CDC42BPA: variants seen among roughly 807,000 people sequenced by gnomAD.
The protein encoded by CDC42BPA is serine/threonine-protein kinase MRCK alpha.
A neutral mutation model predicts 223.5 loss-of-function variants in CDC42BPA; 80 were observed. The ratio of observed to expected loss-of-function variants is 0.36; its 90% CI spans 0.30 to 0.43. The LOEUF (loss-of-function observed/expected upper bound fraction) is 0.43. CDC42BPA is among the 20% of genes least tolerant of loss of function. The pLI, the probability that CDC42BPA is intolerant of heterozygous loss-of-function variation, is 1.00. For synonymous variants in CDC42BPA, 694 were observed against 718.6 expected, an observed-to-expected ratio of 0.97 and a Z score of 0.55; for missense variants, 1,743 against 2,099.9, an observed-to-expected ratio of 0.83 and a Z score of 3.32.
At chr1:227,011,205 A>T (rs755285896) in intron 34 of CDC42BPA, 30 of 242,130 alleles carry the variant, frequency 1.2e-4, no homozygotes, top group Non-Finnish European at 2.0e-4. Flanking sequence ...TAGGTCTTAG[A>T]AAGTTAAATT....
At chr1:227,219,843 T>A (rs1022262616) in intron 2 of CDC42BPA, among the ~76,000 whole-genome samples, 10 of 152,152 alleles carry the variant, frequency 6.6e-5, no homozygotes, top group Non-Finnish European at 1.5e-4. Context: ...AAGCTCATAA[T>A]CCAGCCAATA....
chr1:227,207,075 T>TC (rs1374244860), intron 3 of CDC42BPA, among the ~76,000 whole-genome samples: 1 of 84,954 alleles, frequency 1.2e-5, no homozygotes. Context: ...ATGCTATCCC[T>TC]CCCCCCTCCC....
chr1:227,067,100 T>C (rs1677244706), intron 21 of CDC42BPA, among the ~76,000 whole-genome samples: 2 of 152,126 alleles, frequency 1.3e-5, no homozygotes, highest in Non-Finnish European at 2.9e-5. Context: ...TGCAATAAAA[T>C]TTACTTTTAT....
chr1:227,126,408 G>A lies in CDC42BPA; in HGVS notation c.1513+2701C>T, dbSNP rs145411911. Reference sequence around the variant, plus strand: ...GTACTCTTTTGTTCAGGCCTCTGGTGGCTGCTGGTGACAGGAGCCACCAGC... The same window carrying A: ...GTACTCTTTTGTTCAGGCCTCTGGTAGCTGCTGGTGACAGGAGCCACCAGC... On this transcript the variant is annotated intron_variant, in intron 11 of 36. Transcript: ENST00000366766. Among the ~76,000 whole-genome samples the A allele has an allele frequency of 9.8e-4, 148 of 151,708 alleles. 1 individual carries two copies. Among genetic ancestry groups the A allele is most frequent in the African/African-American group, 3.5e-3 (145 of 41,366 alleles).
intron 5 of CDC42BPA, among the ~76,000 whole-genome samples, chr1:227,168,873 A>AT (rs1408782002): frequency 2.6e-5 from 4 of 152,042 alleles, no homozygotes; most frequent in East Asian, 3.9e-4. Context: ...TTCTTCAGGT[A>AT]TTTTTTCTGG....
intron 15 of CDC42BPA, among the ~76,000 whole-genome samples, chr1:227,092,560 A>T (rs1683277958): frequency 6.6e-6 from 1 of 152,242 alleles, no homozygotes; most frequent in Non-Finnish European, 1.5e-5. Context: ...CCACCACAAT[A>T]TTCTTACAAA....
At chr1:227,143,629 A>C (rs1248107511) in intron 8 of CDC42BPA, among the ~76,000 whole-genome samples, 7 of 152,212 alleles carry the variant, frequency 4.6e-5, no homozygotes, top group African/African-American at 1.7e-4. Context: ...GGAGAAAATA[A>C]TGTGCTAGAA....
intron 5 of CDC42BPA, among the ~76,000 whole-genome samples, chr1:227,188,030 G>A (rs1669112856): frequency 2.0e-5 from 3 of 151,998 alleles, no homozygotes; most frequent in African/African-American, 7.2e-5. Flanking sequence ...TCAAAAAGAA[G>A]AAAAATGATA....
intron 19 of CDC42BPA, among the ~76,000 whole-genome samples, chr1:227,073,172 G>A (rs137872481): frequency 6.6e-6 from 1 of 152,138 alleles, no homozygotes; most frequent in East Asian, 1.9e-4. Context: ...ATGGATTTTC[G>A]TATTTGTAGT....
chr1:227,031,338 A>T lies in CDC42BPA; in HGVS notation c.3735T>A (p.Thr1245=). The T allele has an allele frequency of 6.2e-7, 1 of 1,614,072 alleles. No homozygotes were observed. Among genetic ancestry groups the T allele is most frequent in the South Asian group, 1.1e-5 (1 of 91,076 alleles). The change falls in exon 28 of 37, where the codon ACT becomes ACA. Residue 1245 remains threonine, a synonymous_variant. Coordinates refer to ENST00000366766, the MANE Select transcript of CDC42BPA (RefSeq NM_001394014.1). ...CCTGGGTTGTTTTAATGAGGGGTAG[A>T]GTGCTGTCATAAGCCTCTTTGGGAA... ...VYVPKEAYDS[T]LPLIKTTQAA...
intron 1 of CDC42BPA, among the ~76,000 whole-genome samples, chr1:227,308,173 A>C (rs907900697): frequency 1.3e-5 from 2 of 152,222 alleles, no homozygotes; most frequent in African/African-American, 4.8e-5. Context: ...ATTTACCAAT[A>C]AATGGCATTT....
intron 5 of CDC42BPA, among the ~76,000 whole-genome samples, chr1:227,164,294 A>G (rs1395949966): frequency 6.6e-6 from 1 of 152,162 alleles, no homozygotes; most frequent in African/African-American, 2.4e-5. Flanking sequence ...TTAGCTTAAT[A>G]TGTTCTATAA....
At chr1:227,022,510 A>C (rs1446217837) in intron 32 of CDC42BPA, among the ~76,000 whole-genome samples, 1 of 152,240 alleles carries the variant, frequency 6.6e-6, no homozygotes, top group Non-Finnish European at 1.5e-5. Context: ...AACAGATCAG[A>C]AATTTACAAA....
rs549601143 is a variant in CDC42BPA, at chr1:227,109,592, C to T, written c.2001+2720G>A. Among the ~76,000 whole-genome samples the T allele has an allele frequency of 2.0e-5, 3 of 152,224 alleles. No homozygotes were observed. In the South Asian group the frequency reaches 6.2e-4, roughly 32 times the overall value. ...TGTTGGCCAGGCTGGTCTCAAACTCCTGGCCTCCAGTGATCCACCTACCTC... is the reference window on the plus strand; with the variant it reads ...TGTTGGCCAGGCTGGTCTCAAACTCTTGGCCTCCAGTGATCCACCTACCTC... On this transcript the variant is annotated intron_variant, in intron 14 of 36. Coordinates refer to ENST00000366766, the MANE Select transcript of CDC42BPA (RefSeq NM_001394014.1).
At chr1:227,081,145 T>C in intron 16 of CDC42BPA, 128 bp from the exon 17 acceptor site, 1 of 825,122 alleles carries the variant, frequency 1.2e-6, no homozygotes, top group Non-Finnish European at 1.9e-6. Context: ...TAATAATCCC[T>C]TTTGCTCACT....
At chr1:227,274,154 A>C (rs1686528329) in intron 1 of CDC42BPA, among the ~76,000 whole-genome samples, 1 of 152,074 alleles carries the variant, frequency 6.6e-6, no homozygotes, top group Admixed American at 6.6e-5. Context: ...AGTTAACAAT[A>C]TACAGTTCAT....
chr1:227,115,990 C>T (rs1354300753), intron 12 of CDC42BPA, among the ~76,000 whole-genome samples: 2 of 152,092 alleles, frequency 1.3e-5, no homozygotes, highest in African/African-American at 4.8e-5. Context: ...AGCTAAACTC[C>T]TTGTGCTGAA....
At chr1:227,130,437 T>C (rs182540327) in intron 10 of CDC42BPA, among the ~76,000 whole-genome samples, 75 of 152,348 alleles carry the variant, frequency 4.9e-4, no homozygotes, top group African/African-American at 1.8e-3. Context: ...TCTTTCTCTT[T>C]GGGTTCAAAA....
intron 23 of CDC42BPA, among the ~76,000 whole-genome samples, chr1:227,042,591 A>T (rs769085072): frequency 6.6e-6 from 1 of 152,148 alleles, no homozygotes; most frequent in African/African-American, 2.4e-5. Flanking sequence ...GTAATACACA[A>T]TAGGATTTTG....
Sources: allele counts gnomAD v4.1 joint callset (sites outside exome capture counted in the v4.1 genomes callset), GRCh38; gene constraint gnomAD v4.1.1; transcripts MANE v1.5; gene names NCBI Gene and HGNC (gene_info 2026-07-23, HGNC 2026-07-21).